ITFG1: variants seen among roughly 807,000 people sequenced by gnomAD.
ITFG1 encodes T-cell immunomodulatory protein.
ITFG1 carries 34 observed loss-of-function variants against 81.8 expected under a neutral mutation model. That is an observed-to-expected ratio of 0.42 (90% CI 0.32 to 0.55). The LOEUF (loss-of-function observed/expected upper bound fraction) is 0.55, where lower values mean the gene tolerates loss of function less well. ITFG1 is among the 20% of genes least tolerant of loss of function. The pLI, the probability that ITFG1 is intolerant of heterozygous loss-of-function variation, is 0.17. For missense variants in ITFG1, 672 were observed against 755.4 expected (o/e 0.89, Z 1.29); for synonymous variants, 285 against 270.6 (o/e 1.05, Z -0.52).
intron 14 of ITFG1, among the ~76,000 whole-genome samples, chr16:47,166,962 G>A (rs1331971755): frequency 6.6e-6 from 1 of 152,148 alleles, no homozygotes; most frequent in Non-Finnish European, 1.5e-5. Context: ...TTCTAATTGA[G>A]CTGAAATTCA....
intron 8 of ITFG1, among the ~76,000 whole-genome samples, chr16:47,338,722 T>A (rs1967742785): frequency 6.6e-6 from 1 of 152,074 alleles, no homozygotes. Context: ...ATGGGTTACA[T>A]GATGTATTTT....
At chr16:47,409,404 ATTTTTTTTT>A (rs1187071917) in intron 6 of ITFG1, among the ~76,000 whole-genome samples, 9 of 6,100 alleles carry the variant, frequency 1.5e-3, no homozygotes, top group African/African-American at 3.8e-3. Flanking sequence ...ATATATATAT[ATTTTTTTTT>A]TTTTTTTTTT....
At chr16:47,254,243 G>A (rs879697846) in intron 12 of ITFG1, among the ~76,000 whole-genome samples, 1 of 151,944 alleles carries the variant, frequency 6.6e-6, no homozygotes, top group South Asian at 2.1e-4. Flanking sequence ...AAATGTAAAT[G>A]AATAAATGCC....
chr16:47,314,174 A>C (rs1401028503), intron 8 of ITFG1, among the ~76,000 whole-genome samples: 1 of 152,196 alleles, frequency 6.6e-6, no homozygotes, highest in Non-Finnish European at 1.5e-5. Flanking sequence ...CCTTGAATTT[A>C]AAATAAAAGT....
chr16:47,162,132 C>G (rs1250320784), intron 15 of ITFG1, among the ~76,000 whole-genome samples: 1 of 151,830 alleles, frequency 6.6e-6, no homozygotes, highest in Admixed American at 6.6e-5. Flanking sequence ...CTGCTTGGAG[C>G]TAAAATTCAA....
intron 5 of ITFG1, among the ~76,000 whole-genome samples, chr16:47,447,569 C>T (rs1256396665): frequency 6.6e-6 from 1 of 152,002 alleles, no homozygotes; most frequent in African/African-American, 2.4e-5. Flanking sequence ...ACTCTGCTGT[C>T]GCCCAGGCTG....
chr16:47,380,836 T>A (rs1229627034), intron 6 of ITFG1, among the ~76,000 whole-genome samples: 2 of 152,218 alleles, frequency 1.3e-5, no homozygotes, highest in Non-Finnish European at 2.9e-5. Context: ...GGTATTCACT[T>A]GAACAAATAC....
At chr16:47,449,202 G>A (rs1205246824) in intron 5 of ITFG1, 1 of 152,126 alleles carries the variant, frequency 6.6e-6, no homozygotes, top group Non-Finnish European at 1.5e-5. Flanking sequence ...CAAAGCGCTG[G>A]TCAAATTCAA....
chr16:47,182,792 C>T (rs1009987641), intron 14 of ITFG1, among the ~76,000 whole-genome samples: 13 of 152,208 alleles, frequency 8.5e-5, no homozygotes, highest in African/African-American at 9.7e-5. Context: ...GGAAAAGCTC[C>T]GGTCTACAGC....
intron 8 of ITFG1, among the ~76,000 whole-genome samples, chr16:47,327,716 C>T (rs1220243350): frequency 5.3e-5 from 8 of 152,132 alleles, no homozygotes; most frequent in African/African-American, 1.9e-4. Flanking sequence ...CCAAAAAACA[C>T]ATGAAAAAAT....
chr16:47,318,451 A>C (rs975714708), intron 8 of ITFG1, among the ~76,000 whole-genome samples: 4 of 152,178 alleles, frequency 2.6e-5, no homozygotes, highest in African/African-American at 9.6e-5. Flanking sequence ...ACAATGAATA[A>C]TTTTGTATAA....
At chr16:47,294,821 C>A (rs1469079395) in intron 10 of ITFG1, among the ~76,000 whole-genome samples, 1 of 151,950 alleles carries the variant, frequency 6.6e-6, no homozygotes, top group African/African-American at 2.4e-5. Flanking sequence ...GATAGTTTGA[C>A]TTTCTCTTTT....
chr16:47,308,331 T>C (rs1967202568), intron 10 of ITFG1, among the ~76,000 whole-genome samples: 1 of 152,212 alleles, frequency 6.6e-6, no homozygotes, highest in South Asian at 2.1e-4. Flanking sequence ...TGAAAAAGAA[T>C]AGTGGCTAGA....
intron 13 of ITFG1, 33 bp downstream of exon 13, chr16:47,237,932 A>C (rs1196651291): frequency 2.1e-6 from 2 of 940,508 alleles, no homozygotes; most frequent in African/African-American, 3.4e-5. Flanking sequence ...GAATTTTCAT[A>C]GACATATTTA....
At chr16:47,347,766 C>G (rs532562116) in intron 8 of ITFG1, among the ~76,000 whole-genome samples, 1 of 152,214 alleles carries the variant, frequency 6.6e-6, no homozygotes, top group African/African-American at 2.4e-5. Flanking sequence ...TCTCTGACCC[C>G]CAAGTAGCCT....
intron 6 of ITFG1, among the ~76,000 whole-genome samples, chr16:47,421,506 T>C (rs541617901): frequency 2.0e-5 from 3 of 152,222 alleles, no homozygotes; most frequent in African/African-American, 7.2e-5. Context: ...AGTTTCAGAA[T>C]GTTGGCAAGG....
intron 6 of ITFG1, among the ~76,000 whole-genome samples, chr16:47,409,020 T>C (rs1412929278): frequency 1.3e-5 from 2 of 152,134 alleles, no homozygotes; most frequent in South Asian, 2.1e-4. Context: ...TGCTAATATA[T>C]ACTTGTGAAA....
chr16:47,444,897 T>C (rs1567503041), intron 5 of ITFG1, among the ~76,000 whole-genome samples: 2 of 152,096 alleles, frequency 1.3e-5, no homozygotes, highest in African/African-American at 4.8e-5. Context: ...TTGGTTTTTC[T>C]TACAGATGCT....
intron 10 of ITFG1, among the ~76,000 whole-genome samples, chr16:47,290,076 C>A (rs1409272703): frequency 6.6e-6 from 1 of 152,124 alleles, no homozygotes; most frequent in Non-Finnish European, 1.5e-5. Flanking sequence ...CTTCATTGAC[C>A]CATTGGTCAT....
Sources: gnomAD v4.1 joint callset for allele counts (sites outside exome capture counted in the v4.1 genomes callset) on GRCh38, gnomAD v4.1.1 for gene constraint, MANE v1.5 for transcripts, NCBI Gene and HGNC (gene_info 2026-07-23, HGNC 2026-07-21) for gene names.